EPCAM: variants seen among roughly 807,000 people sequenced by gnomAD.
The protein encoded by EPCAM is adenocarcinoma-associated antigen.
In EPCAM, 39 loss-of-function variants were observed where a neutral mutation model predicts 40.0. That is an observed-to-expected ratio of 0.98 (90% confidence interval 0.76 to 1.27). EPCAM has a LOEUF of 1.27. Ranked by LOEUF, EPCAM falls within the 50% of genes most tolerant of loss-of-function variation. The pLI is 0.00. For synonymous variants in EPCAM, 168 were observed against 132.3 expected, an observed-to-expected ratio of 1.27 and a Z score of -1.85; for missense variants, 503 against 381.2, an observed-to-expected ratio of 1.32 and a Z score of -2.66.
chr2:47,379,877 G>T lies in EPCAM; in HGVS notation c.766G>T (p.Ala256Ser), dbSNP rs864622089. The change falls in exon 7 of 9, where the codon GCA becomes TCA. Residue 256 changes from alanine (A) to serine (S), a missense_variant. Ala to Ser is a moderately conservative substitution (Grantham distance 99, BLOSUM62 1). Coordinates refer to ENST00000263735, the MANE Select transcript of EPCAM (RefSeq NM_002354.3). Reference sequence around the variant, plus strand: ...TTTAATTTATTATGTTGATGAAAAAGCACCTGAATTCTCAATGCAGGGTCT... The same window carrying T: ...TTTAATTTATTATGTTGATGAAAAATCACCTGAATTCTCAATGCAGGGTCT... ...QTLIYYVDEK[A>S]PEFSMQGLKA... The T allele has an allele frequency of 1.6e-5, 26 of 1,614,178 alleles. No individual in the cohort carries two copies. The highest frequency in any genetic ancestry group is 2.1e-5 in the Non-Finnish European group (25 of 1,180,042).
intron 1 of EPCAM, 63 bp downstream of exon 1, chr2:47,369,644 C>A: frequency 6.7e-7 from 1 of 1,484,302 alleles, no homozygotes; most frequent in Non-Finnish European, 9.2e-7. Flanking sequence ...CGGCCCCCGG[C>A]CCTCGGCCCC....
intron 7 of EPCAM, among the ~76,000 whole-genome samples, chr2:47,380,614 G>A (rs1671560976): frequency 6.6e-6 from 1 of 152,046 alleles, no homozygotes; most frequent in Non-Finnish European, 1.5e-5. Context: ...TCAATAAGAT[G>A]GAACAACAGA....
chr2:47,383,459 A>G (rs1486598497), intron 7 of EPCAM: 1 of 151,470 alleles, frequency 6.6e-6, no homozygotes, highest in Non-Finnish European at 1.5e-5. Flanking sequence ...AGAAGCCACC[A>G]TGTCCAGCTA....
Position 47,369,321 on chromosome 2 carries a change from A to G in EPCAM, c.-185A>G, listed in dbSNP as rs1325666358. 7 of 1,342,344 alleles carry G rather than the reference A, an allele frequency of 5.2e-6. No homozygotes were observed. The highest frequency in any genetic ancestry group is 4.7e-5 in the African/African-American group (3 of 64,246). The allele number at this position is 1,342,344 out of a possible 1,614,324, so 83.2% of individuals were successfully genotyped here. The stretch of plus-strand genomic sequence containing the variant: ...CGCCCCGCCGCGCGCACAGAGCGCT[A>G]GTCCTTCGGCGAGCGAGCACCTTCG... On this transcript the variant is annotated 5_prime_UTR_variant, in exon 1 of 9. Transcript: ENST00000263735.
intron 1 of EPCAM, among the ~76,000 whole-genome samples, chr2:47,371,381 C>T (rs1325384474): frequency 1.3e-5 from 2 of 152,198 alleles, no homozygotes. Flanking sequence ...TTACTTGGAC[C>T]TCCCAAAGTG....
intron 4 of EPCAM, among the ~76,000 whole-genome samples, chr2:47,376,259 T>G (rs1215129630): frequency 6.6e-6 from 1 of 151,240 alleles, no homozygotes; most frequent in African/African-American, 2.4e-5. Flanking sequence ...TCCTCCTTTT[T>G]TTTTTTTTTT....
intron 7 of EPCAM, among the ~76,000 whole-genome samples, chr2:47,384,234 G>C (rs1309299686): frequency 3.3e-5 from 5 of 151,722 alleles, no homozygotes; most frequent in Admixed American, 2.6e-4. Flanking sequence ...CTCCCGAGTA[G>C]ATGGGATTAC....
intron 6 of EPCAM, among the ~76,000 whole-genome samples, 194 bp downstream of exon 6, chr2:47,379,248 T>C (rs1671510952): frequency 6.6e-6 from 1 of 152,240 alleles, no homozygotes; most frequent in African/African-American, 2.4e-5. Context: ...CAAATTGTTC[T>C]GCCTAAAATA....
intron 7 of EPCAM, among the ~76,000 whole-genome samples, chr2:47,384,460 C>G (rs1047185850): frequency 6.6e-6 from 1 of 151,864 alleles, no homozygotes; most frequent in African/African-American, 2.4e-5. Flanking sequence ...GTCGCCCAGG[C>G]TGGAGTGCAA....
chr2:47,378,035 A>G (rs1245010552), intron 5 of EPCAM, among the ~76,000 whole-genome samples: 5 of 152,036 alleles, frequency 3.3e-5, no homozygotes, highest in Admixed American at 1.3e-4. Context: ...GATCGAGACC[A>G]TCGTGGCTAA....
At chr2:47,370,398 A>C (rs1671226588) in intron 1 of EPCAM, among the ~76,000 whole-genome samples, 1 of 148,312 alleles carries the variant, frequency 6.7e-6, no homozygotes, top group African/African-American at 2.5e-5. Flanking sequence ...CAGCCTCCTG[A>C]GTAGAGTAGC....
Position 47,376,620 on chromosome 2 carries a change from C to T in EPCAM, c.492-394C>T, listed in dbSNP as rs557452650. ...ATTTTTGACAGGAAAACTACTTAAG[C>T]GATCTTGTGTCCTTTATAATACTTC... On this transcript the variant is annotated intron_variant, in intron 4 of 8. Transcript: ENST00000263735. 2.7e-3 allele frequency among the ~76,000 whole-genome samples: 412 copies of T among 152,232 alleles called. 4 individuals are homozygous for T. The highest frequency in any genetic ancestry group is 0.01 in the Middle Eastern group (3 of 294).
In EPCAM at chr2:47,379,988, A is replaced by C. The variant is rs763240638; in HGVS notation, c.858+19A>C. ...TGTGCTGGTGAGTACAGAACAAGTA[A>C]AATTTCATTTAAGGGTATATTTTTT... On this transcript the variant is annotated intron_variant, in intron 7 of 8. Coordinates refer to ENST00000263735, the MANE Select transcript of EPCAM (RefSeq NM_002354.3). 1 of 1,596,160 alleles carries C rather than the reference A, an allele frequency of 6.3e-7. No homozygotes were observed. Among genetic ancestry groups the C allele is most frequent in the East Asian group, 2.3e-5 (1 of 43,702 alleles).
intron 7 of EPCAM, 48 bp from the exon 8 acceptor site, chr2:47,385,118 T>G (rs1421797261): frequency 7.0e-7 from 1 of 1,437,476 alleles, no homozygotes; most frequent in Non-Finnish European, 9.8e-7. Context: ...TAGATAATCT[T>G]TTTTTGAATA....
intron 7 of EPCAM, among the ~76,000 whole-genome samples, chr2:47,382,703 C>G (rs1375343719): frequency 6.6e-6 from 1 of 152,012 alleles, no homozygotes; most frequent in Non-Finnish European, 1.5e-5. Context: ...TGAATAAAAA[C>G]AACAACAAAA....
At chr2:47,382,422 T>TA (rs1223455986) in intron 7 of EPCAM, among the ~76,000 whole-genome samples, 1 of 152,116 alleles carries the variant, frequency 6.6e-6, no homozygotes, top group Non-Finnish European at 1.5e-5. Flanking sequence ...CGTGGTGGCT[T>TA]ACGCCTATAA....
chr2:47,385,414 C>T (rs955098588), intron 8 of EPCAM, among the ~76,000 whole-genome samples: 1 of 152,122 alleles, frequency 6.6e-6, no homozygotes, highest in South Asian at 2.1e-4. Context: ...CTGTTTTCTG[C>T]CTCATAGAAG....
Position 47,378,267 on chromosome 2 carries a change from G to A in EPCAM, c.556-686G>A, listed in dbSNP as rs80180360. Reference sequence around the variant, plus strand: ...CAAAAAAACAACATGGAAAATGCATGCTGCGTTTTACCTTGCATTTCTTTT... The same window carrying A: ...CAAAAAAACAACATGGAAAATGCATACTGCGTTTTACCTTGCATTTCTTTT... On this transcript the variant is annotated intron_variant, in intron 5 of 8. Coordinates refer to ENST00000263735, the MANE Select transcript of EPCAM (RefSeq NM_002354.3). 9.6e-3 allele frequency among the ~76,000 whole-genome samples: 1,457 copies of A among 151,076 alleles called. 29 individuals carry two copies. The highest frequency in any genetic ancestry group is 0.032 in the African/African-American group (1,305 of 41,152).
chr2:47,375,307 C>A lies in EPCAM; in HGVS notation c.491+8C>A. On this transcript the variant is annotated splice_region_variant and intron_variant, in intron 4 of 8. Coordinates refer to ENST00000263735, the MANE Select transcript of EPCAM (RefSeq NM_002354.3). ...TAGTAAAAGTTTGCGGACGTAAGTG[C>A]AATTAAATGCATCATATTCTTGCAC... 6.3e-7 allele frequency: 1 copy of A among 1,579,068 alleles called. No homozygotes were observed. The highest frequency in any genetic ancestry group is 8.7e-7 in the Non-Finnish European group (1 of 1,148,172).
Sources: gnomAD v4.1 joint callset for allele counts (sites outside exome capture counted in the v4.1 genomes callset) on GRCh38, gnomAD v4.1.1 for gene constraint, MANE v1.5 for transcripts, NCBI Gene and HGNC (gene_info 2026-07-23, HGNC 2026-07-21) for gene names.